EPB41L4B: variants seen among roughly 807,000 people sequenced by gnomAD.
EPB41L4B encodes band 4.1-like protein 4B.
Under a neutral mutation model 112.5 loss-of-function variants are expected in EPB41L4B, and 30 were observed. That is an observed-to-expected ratio of 0.27 (90% CI 0.20 to 0.36). EPB41L4B has a LOEUF of 0.36. Among genes scored for constraint, EPB41L4B ranks in the 10% least tolerant of loss-of-function variants. The probability of loss-of-function intolerance (pLI) is 1.00; values close to 1 mark genes in which losing one functional copy is unlikely to be tolerated. For missense variants in EPB41L4B, 1,024 were observed against 1,133.3 expected, an observed-to-expected ratio of 0.90 and a Z score of 1.38; for synonymous variants, 408 against 439.7, an observed-to-expected ratio of 0.93 and a Z score of 0.90.
chr9:109,282,030 T>C (rs1304285718), intron 1 of EPB41L4B, among the ~76,000 whole-genome samples: 3 of 152,222 alleles, frequency 2.0e-5, no homozygotes, highest in African/African-American at 7.2e-5. Context: ...AAAGACAGTA[T>C]AACTGTACAA....
chr9:109,190,002 C>T (rs1454277130), intron 22 of EPB41L4B, among the ~76,000 whole-genome samples: 7 of 152,098 alleles, frequency 4.6e-5, no homozygotes, highest in South Asian at 2.1e-4. Context: ...GTGGCGTGAC[C>T]CTGGCTCACT....
chr9:109,248,115 C>T (rs2118992799), intron 13 of EPB41L4B, among the ~76,000 whole-genome samples: 1 of 152,324 alleles, frequency 6.6e-6, no homozygotes, highest in Admixed American at 6.5e-5. Context: ...ATTTTACTCC[C>T]ATTTCAGGCC....
chr9:109,214,941 T>C (rs1370879475), intron 16 of EPB41L4B, among the ~76,000 whole-genome samples: 1 of 152,136 alleles, frequency 6.6e-6, no homozygotes, highest in Non-Finnish European at 1.5e-5. Flanking sequence ...CTGTTATGGT[T>C]ATTTAGATAT....
chr9:109,264,956 G>C (rs373518328), intron 5 of EPB41L4B, 24 bp downstream of exon 5: 1 of 1,591,276 alleles, frequency 6.3e-7, no homozygotes. Context: ...CCTGGGTTAA[G>C]AGTTAGAACA....
At chr9:109,291,128 A>T (rs1300572027) in intron 1 of EPB41L4B, among the ~76,000 whole-genome samples, 1 of 152,126 alleles carries the variant, frequency 6.6e-6, no homozygotes, top group African/African-American at 2.4e-5. Flanking sequence ...GCCTCAGGGA[A>T]ATTACATCAT....
chr9:109,273,479 TC>T (rs1835701196), intron 2 of EPB41L4B, among the ~76,000 whole-genome samples: 1 of 152,172 alleles, frequency 6.6e-6, no homozygotes, highest in South Asian at 2.1e-4. Context: ...ACTCCTGACC[TC>T]AGGTGATCCA....
rs756177520 is a variant in EPB41L4B at position 109,267,516 on chromosome 9, A to T, written c.490T>A (p.Tyr164Asn). The T allele has an allele frequency of 6.2e-7, 1 of 1,613,612 alleles. No homozygotes were observed. The highest frequency in any genetic ancestry group is 1.7e-5 in the Admixed American group (1 of 59,968). Residue 164 changes from tyrosine to asparagine, a missense_variant, in exon 4 of 26, where the codon TAC becomes AAC. Coordinates refer to ENST00000374566, the MANE Select transcript of EPB41L4B (RefSeq NM_019114.5). ...AGGTTGTTTGGTTCTGAAGAATAGT[A>T]TTTAACTCGAAAGTGTAAAGCATAA... ...PAYALHFRVKYYSSEPNNLRE... is the reference protein window; with the variant it reads ...PAYALHFRVKNYSSEPNNLRE...
chr9:109,291,613 T>C (rs937384421), intron 1 of EPB41L4B, among the ~76,000 whole-genome samples: 1 of 152,172 alleles, frequency 6.6e-6, no homozygotes, highest in African/African-American at 2.4e-5. Flanking sequence ...TAACAATCTC[T>C]TAGAAATCAG....
intron 1 of EPB41L4B, among the ~76,000 whole-genome samples, chr9:109,306,350 G>A (rs370292355): frequency 1.4e-4 from 21 of 152,242 alleles, no homozygotes; most frequent in African/African-American, 4.1e-4. Flanking sequence ...GGTGGCTCAC[G>A]CCTGTAACCC....
chr9:109,315,245 A>G (rs1271702202), intron 1 of EPB41L4B, among the ~76,000 whole-genome samples: 1 of 152,102 alleles, frequency 6.6e-6, no homozygotes, highest in East Asian at 1.9e-4. Context: ...CTGTTCTCAC[A>G]GTTCTAGGGC....
At chr9:109,301,044 A>G (rs1360146735) in intron 1 of EPB41L4B, 1 of 152,240 alleles carries the variant, frequency 6.6e-6, no homozygotes, top group Non-Finnish European at 1.5e-5. Context: ...GTAATTTTAC[A>G]TATGCCTAAT....
chr9:109,296,613 C>A (rs1216842801), intron 1 of EPB41L4B, among the ~76,000 whole-genome samples: 1 of 152,012 alleles, frequency 6.6e-6, no homozygotes, highest in Admixed American at 6.6e-5. Flanking sequence ...AGGCCAGGTG[C>A]AGTGGCTCAC....
intron 1 of EPB41L4B, among the ~76,000 whole-genome samples, chr9:109,313,297 C>A (rs1439035821): frequency 6.6e-6 from 1 of 152,120 alleles, no homozygotes; most frequent in Non-Finnish European, 1.5e-5. Flanking sequence ...ATATTGTGAG[C>A]AAACAAAAAC....
intron 1 of EPB41L4B, among the ~76,000 whole-genome samples, chr9:109,306,945 C>A (rs1364439671): frequency 6.6e-6 from 1 of 151,508 alleles, no homozygotes; most frequent in African/African-American, 2.4e-5. Flanking sequence ...TCCTTTAGAG[C>A]AACGCCCATA....
intron 16 of EPB41L4B, among the ~76,000 whole-genome samples, chr9:109,214,305 C>T (rs1833287985): frequency 6.6e-6 from 1 of 152,148 alleles, no homozygotes; most frequent in South Asian, 2.1e-4. Context: ...ACTACTTCTC[C>T]TTCCAGCTTG....
chr9:109,279,936 G>T lies in EPB41L4B; in HGVS notation c.307-15C>A. ...TTGGCATGTTTCTGGAAGACAATTG[G>T]GAAGATGAAAAAACTTAGGGTGAGA... On this transcript the variant is annotated splice_polypyrimidine_tract_variant and intron_variant, in intron 1 of 25. Coordinates refer to ENST00000374566, the MANE Select transcript of EPB41L4B (RefSeq NM_019114.5). 6.2e-7 allele frequency: 1 copy of T among 1,605,932 alleles called. No homozygotes were observed. Among genetic ancestry groups the T allele is most frequent in the South Asian group, 1.1e-5 (1 of 89,190 alleles).
chr9:109,194,059 T>C (rs1832557041), intron 21 of EPB41L4B, among the ~76,000 whole-genome samples, 161 bp downstream of exon 21: 1 of 152,226 alleles, frequency 6.6e-6, no homozygotes. Flanking sequence ...TATTTTGGGG[T>C]CAAGTTATAT....
intron 15 of EPB41L4B, among the ~76,000 whole-genome samples, chr9:109,226,624 A>ATATT (rs1276786891): frequency 1.8e-5 from 2 of 109,612 alleles, no homozygotes; most frequent in Non-Finnish European, 3.7e-5. Context: ...ATATATATAT[A>ATATT]TATATGAAGA....
At chr9:109,305,018 C>T (rs143915632) in intron 1 of EPB41L4B, among the ~76,000 whole-genome samples, 6 of 152,036 alleles carry the variant, frequency 3.9e-5, no homozygotes, top group African/African-American at 7.2e-5. Flanking sequence ...TTTTGTGTCA[C>T]GTATATTTTA....
Sources: allele counts gnomAD v4.1 joint callset (sites outside exome capture counted in the v4.1 genomes callset), GRCh38; gene constraint gnomAD v4.1.1; transcripts MANE v1.5; gene names NCBI Gene and HGNC (gene_info 2026-07-23, HGNC 2026-07-21).